The following ACAP2 variants were observed in gnomAD, a reference collection of about 807,000 sequenced individuals.
ACAP2 encodes the protein arf-GAP with coiled-coil, ANK repeat and PH domain-containing protein 2.
In ACAP2, 39 loss-of-function variants were observed where a neutral mutation model predicts 115.8. The observed-to-expected ratio is 0.34, with a 90% CI of 0.26 to 0.44. The LOEUF (loss-of-function observed/expected upper bound fraction) is 0.44. Among genes scored for constraint, ACAP2 ranks in the 20% least tolerant of loss-of-function variants. The pLI is 1.00. For synonymous variants in ACAP2, 289 were observed against 315.8 expected, an observed-to-expected ratio of 0.92 and a Z score of 0.90; for missense variants, 662 against 927.6, an observed-to-expected ratio of 0.71 and a Z score of 3.72.
intron 4 of ACAP2, among the ~76,000 whole-genome samples, chr3:195,372,987 CAAAAAAAAAA>C (rs869134113): frequency 3.9e-4 from 7 of 17,778 alleles, no homozygotes; most frequent in Middle Eastern, 0.026. Context: ...GACTCCATCT[CAAAAAAAAAA>C]AAAAAAAAAA....
In ACAP2 at chr3:195,342,634, T is replaced by C. The variant is rs1428039712; in HGVS notation, c.365A>G (p.Asp122Gly). ...FVKEDLRKFK[D>G]AKKQFEKVSE... Reference sequence around the variant, plus strand: ...GACTTTTTCGAATTGCTTCTTGGCATCTTTGAATTTTCTAAGATCTCTAAG... The same window carrying C: ...GACTTTTTCGAATTGCTTCTTGGCACCTTTGAATTTTCTAAGATCTCTAAG... Residue 122 changes from aspartate (D) to glycine (G), a missense_variant, in exon 6 of 23, where the codon GAT becomes GGT. Physicochemically the swap from Asp to Gly is moderately conservative, Grantham distance 94. Transcript: ENST00000326793. 1 of 1,591,940 alleles carries C rather than the reference T, an allele frequency of 6.3e-7. No individual in the cohort carries two copies. Among genetic ancestry groups the C allele is most frequent in the South Asian group, 1.2e-5 (1 of 86,266 alleles).
chr3:195,410,571 C>T (rs1473293793), intron 1 of ACAP2: 1 of 152,196 alleles, frequency 6.6e-6, no homozygotes, highest in East Asian at 1.9e-4. Context: ...ACACAAACAA[C>T]ATGATACAAG....
At chr3:195,420,501 ACC>A in intron 1 of ACAP2, among the ~76,000 whole-genome samples, 1 of 152,000 alleles carries the variant, frequency 6.6e-6, no homozygotes, top group South Asian at 2.1e-4. Context: ...GGCGCGTGCC[ACC>A]ACACCCGGCT....
intron 4 of ACAP2, among the ~76,000 whole-genome samples, chr3:195,352,863 T>C (rs1160763702): frequency 6.6e-6 from 1 of 152,018 alleles, no homozygotes; most frequent in East Asian, 1.9e-4. Context: ...GGCAGATCAC[T>C]TGAGGTCAGG....
chr3:195,313,299 T>C (rs1157992052), intron 10 of ACAP2, among the ~76,000 whole-genome samples: 1 of 152,206 alleles, frequency 6.6e-6, no homozygotes, highest in African/African-American at 2.4e-5. Flanking sequence ...TATTATTTTC[T>C]GCCTCAATGG....
intron 1 of ACAP2, among the ~76,000 whole-genome samples, chr3:195,437,289 C>A (rs964209677): frequency 2.0e-5 from 3 of 151,994 alleles, no homozygotes; most frequent in African/African-American, 7.3e-5. Context: ...GTGATCCTCC[C>A]TCCTCAGCCT....
At chr3:195,328,295 A>T (rs1319851610) in intron 8 of ACAP2, among the ~76,000 whole-genome samples, 2 of 152,180 alleles carry the variant, frequency 1.3e-5, no homozygotes, top group East Asian at 1.9e-4. Flanking sequence ...ATATTTTTTT[A>T]AAACTAAATT....
chr3:195,295,154 C>G (rs751225055), intron 17 of ACAP2: 1 of 1,141,788 alleles, frequency 8.8e-7, no homozygotes, highest in South Asian at 1.3e-5. Context: ...GCACAATGAC[C>G]ACTGGCACAG....
chr3:195,401,035 AATTAAC>A (rs1712245896), intron 1 of ACAP2, among the ~76,000 whole-genome samples: 1 of 152,218 alleles, frequency 6.6e-6, no homozygotes, highest in African/African-American at 2.4e-5. Context: ...CCGTCTCTGT[AATTAAC>A]TAATTAATTA....
At chr3:195,336,690 T>C in intron 7 of ACAP2, 1 of 416,804 alleles carries the variant, frequency 2.4e-6, no homozygotes, top group East Asian at 4.5e-5. Context: ...AACAAAAACA[T>C]AACAGTATAG....
chr3:195,321,793 A>G (rs1001148024), intron 9 of ACAP2, among the ~76,000 whole-genome samples: 2 of 148,878 alleles, frequency 1.3e-5, no homozygotes, highest in South Asian at 2.1e-4. Context: ...TTGTATTTTT[A>G]GTAGAGACAG....
rs764801694 is a variant in ACAP2 at position 195,306,553 on chromosome 3, G to T, written c.1074C>A (p.Thr358=). The part of the protein sequence containing the change: ...LRQAWIKAVQ[T]SIATAYREKG... Reference sequence around the variant, plus strand: ...TCTCTCTATAAGCAGTAGCAATACTGGTCTGAACAGCCTTAATCCATGCCT... The same window carrying T: ...TCTCTCTATAAGCAGTAGCAATACTTGTCTGAACAGCCTTAATCCATGCCT... Residue 358 remains threonine, a synonymous_variant, in exon 13 of 23, where the codon ACC becomes ACA. Transcript: ENST00000326793. 1 of 1,613,036 alleles carries T rather than the reference G, an allele frequency of 6.2e-7. No homozygotes were observed. Among genetic ancestry groups the T allele is most frequent in the Non-Finnish European group, 8.5e-7 (1 of 1,179,558 alleles).
At chr3:195,280,945 A>C (rs1032230639) in intron 22 of ACAP2, 2 of 152,190 alleles carry the variant, frequency 1.3e-5, no homozygotes, top group African/African-American at 4.8e-5. Context: ...TCATTGCTAC[A>C]GATGTTGTTA....
chr3:195,382,534 CTT>C (rs1232919505), intron 2 of ACAP2, among the ~76,000 whole-genome samples: 1 of 151,946 alleles, frequency 6.6e-6, no homozygotes, highest in Non-Finnish European at 1.5e-5. Context: ...TTCCTTCCTT[CTT>C]TCTCTCCTTT....
rs1727080240 is a variant in ACAP2, at chr3:195,289,333, G to A, written c.2064-102C>T. On this transcript the variant is annotated intron_variant, in intron 20 of 22. Transcript: ENST00000326793. ...ACTACTTAAGTAACATTTTCATTAGGAAATTCTTGATTCATTCTACAAATA... is the reference window on the plus strand; with the variant it reads ...ACTACTTAAGTAACATTTTCATTAGAAAATTCTTGATTCATTCTACAAATA... The A allele has an allele frequency of 5.2e-6, 4 of 769,492 alleles. No homozygotes were observed. The African/African-American group carries it at 7.1e-5, about 14-fold the overall frequency. The allele number at this position is 769,492 out of a possible 1,614,324, so 47.7% of individuals were successfully genotyped here. A position where few individuals can be genotyped will look rare whatever the true frequency, so the allele number is the denominator to read the frequency against.
chr3:195,401,191 G>A (rs1181943257), intron 1 of ACAP2, among the ~76,000 whole-genome samples: 1 of 152,162 alleles, frequency 6.6e-6, no homozygotes. Context: ...ACTCAGCCTT[G>A]CAGGGTTCTC....
In ACAP2 at chr3:195,324,038, CTACT is replaced by C. The variant is rs1023318263; in HGVS notation, c.744+2843_744+2846del. ...TCATGTACCCCATAAATAATACCAC[CTACT>C]ATGTACTAACAAAAATTAAAAATGA... On this transcript the variant is annotated intron_variant, in intron 9 of 22. Coordinates refer to ENST00000326793, the MANE Select transcript of ACAP2 (RefSeq NM_012287.6). 4.5e-4 allele frequency among the ~76,000 whole-genome samples: 68 copies of C among 151,960 alleles called. 2 individuals carry two copies. The highest frequency in any genetic ancestry group is 1.4e-3 in the African/African-American group (59 of 41,432).
chr3:195,433,700 G>A (rs887475313), intron 1 of ACAP2, among the ~76,000 whole-genome samples: 2 of 152,158 alleles, frequency 1.3e-5, no homozygotes, highest in African/African-American at 4.8e-5. Flanking sequence ...CTATTGAGAT[G>A]ATTGTGTTGT....
rs1726292665 is a variant in ACAP2, at chr3:195,278,708, A to G, written c.*620T>C. On this transcript the variant is annotated 3_prime_UTR_variant, in exon 23 of 23. Coordinates refer to ENST00000326793, the MANE Select transcript of ACAP2 (RefSeq NM_012287.6). ...CTACCTGTACAGCCATTATACATAC[A>G]TACATTAAAGTACTGGACAATAACC... 1 of 152,184 alleles carries G rather than the reference A, an allele frequency of 6.6e-6. No individual in the cohort carries two copies. The highest frequency in any genetic ancestry group is 1.9e-4 in the East Asian group (1 of 5,204). The allele number at this position is 152,184 out of a possible 1,614,324, so 9.4% of individuals were successfully genotyped here. A position where few individuals can be genotyped will look rare whatever the true frequency, so the allele number is the denominator to read the frequency against.
Sources: allele counts gnomAD v4.1 joint callset (sites outside exome capture counted in the v4.1 genomes callset), GRCh38; gene constraint gnomAD v4.1.1; transcripts MANE v1.5; gene names NCBI Gene and HGNC (gene_info 2026-07-23, HGNC 2026-07-21).